ACYP2: variants seen among roughly 807,000 people sequenced by gnomAD.
The protein encoded by ACYP2 is acylphosphatase 2.
Under a neutral mutation model 11.2 loss-of-function variants are expected in ACYP2, and 12 were observed. The observed-to-expected ratio is 1.08, with a 90% confidence interval of 0.69 to 1.74. The LOEUF (loss-of-function observed/expected upper bound fraction) is 1.74, where lower values mean the gene tolerates loss of function less well. ACYP2 is among the 40% of genes most tolerant of loss of function. The pLI is 0.00. For missense variants in ACYP2, 134 were observed against 101.9 expected (o/e 1.31, Z -1.35); for synonymous variants, 43 against 32.2 (o/e 1.33, Z -1.13).
chr2:54,142,895 T>G (rs1283648539), intron 6 of ACYP2: 1 of 152,192 alleles, frequency 6.6e-6, no homozygotes, highest in Non-Finnish European at 1.5e-5. Context: ...TGCTAAGTTA[T>G]TTCTAAGTAT....
intron 2 of ACYP2, chr2:53,973,925 T>C (rs1671330746): frequency 6.2e-6 from 1 of 160,284 alleles, no homozygotes; most frequent in South Asian, 2.3e-4. Context: ...TTTTTTTTTT[T>C]TTTTTGAGTC....
At chr2:54,064,449 C>T (rs1340289648) in intron 4 of ACYP2, among the ~76,000 whole-genome samples, 1 of 125,722 alleles carries the variant, frequency 8.0e-6, no homozygotes, top group African/African-American at 3.2e-5. Flanking sequence ...ATTTACTTAG[C>T]TGCTGGGGGC....
chr2:53,973,325 C>T (rs190994996), intron 1 of ACYP2, among the ~76,000 whole-genome samples: 3 of 152,064 alleles, frequency 2.0e-5, no homozygotes, highest in Admixed American at 6.6e-5. Context: ...TAGGGAGAGC[C>T]GGAAAGAGAT....
intron 6 of ACYP2, among the ~76,000 whole-genome samples, chr2:54,261,383 A>G (rs1009882804): frequency 2.0e-5 from 3 of 152,162 alleles, no homozygotes; most frequent in African/African-American, 7.2e-5. Flanking sequence ...AAAGATGTGG[A>G]GAAAGAGGGA....
At chr2:54,096,225 C>A (rs368038862) in intron 4 of ACYP2, among the ~76,000 whole-genome samples, 29 of 145,004 alleles carry the variant, frequency 2.0e-4, no homozygotes, top group African/African-American at 4.7e-4. Flanking sequence ...CGCTCCTCAC[C>A]TCCCAGACGG....
chr2:54,096,987 G>C (rs11896781), intron 4 of ACYP2, among the ~76,000 whole-genome samples: 57,295 of 152,128 alleles, frequency 0.38, 11,687 homozygotes, highest in East Asian at 0.73. Flanking sequence ...TAGCCTTACA[G>C]GCATGAGCCC....
At chr2:54,223,985 A>C (rs1233903383) in intron 6 of ACYP2, among the ~76,000 whole-genome samples, 1 of 152,158 alleles carries the variant, frequency 6.6e-6, no homozygotes, top group Non-Finnish European at 1.5e-5. Context: ...GATGAGGCAG[A>C]CCCTGAATGT....
chr2:54,017,018 C>T (rs922593099), intron 2 of ACYP2, among the ~76,000 whole-genome samples: 1 of 148,714 alleles, frequency 6.7e-6, no homozygotes, highest in African/African-American at 2.6e-5. Flanking sequence ...AGCCTCCGCG[C>T]CCGGCCCTTC....
chr2:54,077,377 ATTTTAT>A lies in ACYP2; in HGVS notation c.277+20023_277+20028del, dbSNP rs1186479404. Reference sequence around the variant, plus strand: ...AAACTTGTTGTTGTTGTTGTTTAACATTTTATTTTTAACTCTCTGCCTAGCATATAT... The same window carrying A: ...AAACTTGTTGTTGTTGTTGTTTAACATTTTAACTCTCTGCCTAGCATATAT... On this transcript the variant is annotated intron_variant, in intron 4 of 6. Coordinates refer to ENST00000607452, the MANE Select transcript of ACYP2 (RefSeq NM_001320586.2). Among the ~76,000 whole-genome samples, 12 of 152,334 alleles carry A rather than the reference ATTTTAT, an allele frequency of 7.9e-5. No homozygotes were observed. In the South Asian group the frequency reaches 2.5e-3, roughly 32 times the overall value.
At chr2:54,232,566 G>T (rs773792411) in intron 6 of ACYP2, among the ~76,000 whole-genome samples, 4 of 152,180 alleles carry the variant, frequency 2.6e-5, no homozygotes, top group African/African-American at 9.7e-5. Context: ...CTTGCCCCCA[G>T]TGTCAAAGGA....
At chr2:54,055,802 G>T (rs577246496) in intron 3 of ACYP2, among the ~76,000 whole-genome samples, 34 of 152,320 alleles carry the variant, frequency 2.2e-4, no homozygotes, top group Non-Finnish European at 4.0e-4. Flanking sequence ...GTTATGAATT[G>T]AATTCTGAAG....
intron 4 of ACYP2, among the ~76,000 whole-genome samples, chr2:54,105,658 C>G (rs1265215368): frequency 6.6e-6 from 1 of 151,822 alleles, no homozygotes; most frequent in African/African-American, 2.4e-5. Context: ...CCATGTCTGG[C>G]TAATTTTTGT....
chr2:54,296,257 G>A (rs553287178), intron 6 of ACYP2, among the ~76,000 whole-genome samples: 3 of 152,332 alleles, frequency 2.0e-5, no homozygotes, highest in South Asian at 4.1e-4. Flanking sequence ...GTGCATTTTA[G>A]AAGGCCACAG....
At chr2:54,300,506 G>A (rs752297380) in intron 6 of ACYP2, among the ~76,000 whole-genome samples, 3 of 152,200 alleles carry the variant, frequency 2.0e-5, no homozygotes, top group Non-Finnish European at 4.4e-5. Flanking sequence ...CTCTCACCTT[G>A]AGACAACTGT....
At chr2:54,068,372 G>C (rs1029074986) in intron 4 of ACYP2, among the ~76,000 whole-genome samples, 4 of 152,198 alleles carry the variant, frequency 2.6e-5, no homozygotes, top group African/African-American at 9.6e-5. Flanking sequence ...TCTGGTCACA[G>C]GTAGGCATCT....
rs181084349 is a variant in ACYP2 at position 54,132,917 on chromosome 2, G to T, written c.278-2536G>T. Among the ~76,000 whole-genome samples the T allele has an allele frequency of 1.1e-4, 16 of 151,938 alleles. No homozygotes were observed. The East Asian group carries it at 3.1e-3, about 29-fold the overall frequency. On this transcript the variant is annotated intron_variant, in intron 4 of 6. Transcript: ENST00000607452. ...CCACCATTATGCCCAGCTAATTTTT[G>T]TATTTTTCTTGAGATGGGATTTCAC...
intron 6 of ACYP2, among the ~76,000 whole-genome samples, chr2:54,227,962 AC>A (rs1482672145): frequency 6.6e-6 from 1 of 152,202 alleles, no homozygotes; most frequent in Non-Finnish European, 1.5e-5. Flanking sequence ...AGAAAGCTAA[AC>A]CCCAGCTGCT....
intron 6 of ACYP2, among the ~76,000 whole-genome samples, chr2:54,274,958 A>C (rs529451445): frequency 6.6e-6 from 1 of 152,340 alleles, no homozygotes; most frequent in South Asian, 2.1e-4. Context: ...ATGCAGTTCA[A>C]CCTCACATAG....
At chr2:54,146,280 A>C (rs1291030334) in intron 6 of ACYP2, among the ~76,000 whole-genome samples, 2 of 152,158 alleles carry the variant, frequency 1.3e-5, no homozygotes, top group African/African-American at 4.8e-5. Flanking sequence ...CAGATATTCC[A>C]CTTATCTCTC....
Sources: allele counts gnomAD v4.1 joint callset (sites outside exome capture counted in the v4.1 genomes callset), GRCh38; gene constraint gnomAD v4.1.1; transcripts MANE v1.5; gene names NCBI Gene and HGNC (gene_info 2026-07-23, HGNC 2026-07-21).